The following NEURL1B variants were observed in gnomAD, a reference collection of about 807,000 sequenced individuals.
NEURL1B encodes the protein neuralized E3 ubiquitin protein ligase 1B, also known as E3 ubiquitin-protein ligase NEURL1B.
Under a neutral mutation model 37.4 loss-of-function variants are expected in NEURL1B, and 13 were observed. The observed-to-expected ratio is 0.35, with a 90% CI of 0.23 to 0.55. NEURL1B has a LOEUF of 0.55. NEURL1B is among the 20% of genes least tolerant of loss of function. The pLI, the probability that NEURL1B is intolerant of heterozygous loss-of-function variation, is 0.89. For missense variants in NEURL1B, 790 were observed against 879.2 expected, an observed-to-expected ratio of 0.90 and a Z score of 1.28; for synonymous variants, 432 against 426.6, an observed-to-expected ratio of 1.01 and a Z score of -0.16.
At chr5:172,652,745 C>T (rs1757691322) in intron 1 of NEURL1B, among the ~76,000 whole-genome samples, 1 of 152,194 alleles carries the variant, frequency 6.6e-6, no homozygotes, top group African/African-American at 2.4e-5. Flanking sequence ...TTTGACTTGG[C>T]AAGTCCCCAC....
intron 2 of NEURL1B, among the ~76,000 whole-genome samples, chr5:172,682,082 G>A (rs1421829722): frequency 6.6e-6 from 1 of 152,186 alleles, no homozygotes; most frequent in African/African-American, 2.4e-5. Flanking sequence ...TGACCAGACT[G>A]ACACAGACCC....
intron 1 of NEURL1B, among the ~76,000 whole-genome samples, chr5:172,651,152 C>A (rs1036938564): frequency 6.6e-6 from 1 of 152,232 alleles, no homozygotes; most frequent in African/African-American, 2.4e-5. Context: ...TCATATCTAA[C>A]AACTCCCCTT....
intron 2 of NEURL1B, among the ~76,000 whole-genome samples, chr5:172,674,880 G>A (rs1259487678): frequency 6.6e-6 from 1 of 152,096 alleles, no homozygotes; most frequent in African/African-American, 2.4e-5. Context: ...ATAATCCCAT[G>A]AATGTATCTT....
chr5:172,666,197 AC>A (rs753116126), intron 1 of NEURL1B, among the ~76,000 whole-genome samples: 13 of 150,092 alleles, frequency 8.7e-5, no homozygotes, highest in African/African-American at 3.0e-4. Flanking sequence ...CACCACCACC[AC>A]CAAAAAAAAA....
At chr5:172,666,511 G>A (rs905969844) in intron 1 of NEURL1B, among the ~76,000 whole-genome samples, 5 of 152,178 alleles carry the variant, frequency 3.3e-5, no homozygotes, top group African/African-American at 7.2e-5. Flanking sequence ...AGAAGAGGGC[G>A]CCCCTAGCCA....
chr5:172,651,346 T>A (rs954096193), intron 1 of NEURL1B, among the ~76,000 whole-genome samples: 27 of 152,212 alleles, frequency 1.8e-4, no homozygotes, highest in African/African-American at 6.3e-4. Flanking sequence ...ACATAGCACC[T>A]GACAAGAATA....
chr5:172,672,785 G>T (rs1758155771), intron 2 of NEURL1B, among the ~76,000 whole-genome samples: 2 of 151,920 alleles, frequency 1.3e-5, no homozygotes, highest in Non-Finnish European at 2.9e-5. Flanking sequence ...CATATGATCT[G>T]CAGGAAACAC....
At chr5:172,671,102 G>A (rs1758123084) in intron 2 of NEURL1B, among the ~76,000 whole-genome samples, 3 of 152,156 alleles carry the variant, frequency 2.0e-5, no homozygotes, top group Admixed American at 2.0e-4. Flanking sequence ...ACAACTGAGT[G>A]GCATATAGTT....
rs755323898 is a variant in NEURL1B at position 172,687,372 on chromosome 5, C to T, written c.*447C>T. 11 of 164,020 alleles carry T rather than the reference C, an allele frequency of 6.7e-5. No individual in the cohort carries two copies. The highest frequency in any genetic ancestry group is 9.6e-5 in the African/African-American group (4 of 41,860). 10.2% of individuals were successfully genotyped at this position (164,020 alleles called of 1,614,324 possible). On this transcript the variant is annotated 3_prime_UTR_variant, in exon 5 of 5. Transcript: ENST00000369800. ...CGGCTCCGGGAGGAGACGTGCAATC[C>T]GGAGCCCCGACATTGGCATGACTAG... is the stretch of plus-strand genomic sequence containing the variant.
chr5:172,678,734 T>C (rs541450055), intron 2 of NEURL1B, among the ~76,000 whole-genome samples: 48 of 152,274 alleles, frequency 3.2e-4, no homozygotes, highest in Non-Finnish European at 6.6e-4. Context: ...GGATCCATTC[T>C]GTCAGTGAGT....
In NEURL1B at chr5:172,683,717, G is replaced by A. The variant is rs1727890093; in HGVS notation, c.876G>A (p.Leu292=). ...FHATRGPDVS[L]SADRKVACAP... is the part of the protein sequence containing the mutation. ...CAACACGCGGGCCCGACGTGAGCCT[G>A]TCGGCCGACCGCAAAGTGGCCTGCG... Residue 292 remains leucine (L), a synonymous_variant, in exon 3 of 5, where the codon CTG becomes CTA. Transcript: ENST00000369800. This position sits in a 1 kb window ranked among gnomAD's most constrained non-coding sequence, Gnocchi z 5.6. 2 of 1,357,328 alleles carry A rather than the reference G, an allele frequency of 1.5e-6. No homozygotes were observed. The highest frequency in any genetic ancestry group is 1.5e-5 in the South Asian group (1 of 68,962). 84.1% of individuals were successfully genotyped at this position (1,357,328 alleles called of 1,614,324 possible).
intron 2 of NEURL1B, among the ~76,000 whole-genome samples, chr5:172,674,152 T>A (rs1231397869): frequency 6.9e-6 from 1 of 143,914 alleles, no homozygotes; most frequent in Non-Finnish European, 1.5e-5. Context: ...AAAAAAAAAA[T>A]TAAATTAAAT....
chr5:172,648,194 G>A (rs1367875753), intron 1 of NEURL1B, among the ~76,000 whole-genome samples: 1 of 152,218 alleles, frequency 6.6e-6, no homozygotes, highest in Admixed American at 6.5e-5. Flanking sequence ...ACCTCTCTAA[G>A]CCTTGGTTTC....
Position 172,647,184 on chromosome 5 carries a change from T to G in NEURL1B, c.31+5747T>G, listed in dbSNP as rs1757575498. ...AAAGGGCTTTCTGTACTTATGGTGC[T>G]CTCTGAGGGCTTAAAATAGAAGCCC... is the stretch of plus-strand genomic sequence containing the variant. On this transcript the variant is annotated intron_variant, in intron 1 of 4. Coordinates refer to ENST00000369800, the MANE Select transcript of NEURL1B (RefSeq NM_001142651.3). This position sits in a 1 kb window ranked among gnomAD's most constrained non-coding sequence, Gnocchi z 4.2. Among the ~76,000 whole-genome samples, 1 of 152,118 alleles carries G rather than the reference T, an allele frequency of 6.6e-6. No homozygotes were observed. The highest frequency in any genetic ancestry group is 6.5e-5 in the Admixed American group (1 of 15,284).
rs1401482204 is a variant in NEURL1B at position 172,670,074 on chromosome 5, G to T, written c.321G>T (p.Ser107=). The T allele has an allele frequency of 1.3e-6, 2 of 1,523,826 alleles. No homozygotes were observed. The highest frequency in any genetic ancestry group is 2.0e-5 in the Admixed American group (1 of 49,014). 94.4% of individuals were successfully genotyped at this position (1,523,826 alleles called of 1,614,324 possible). Reference sequence around the variant, plus strand: ...TCGGCTTCACCGCGCACGATCCGTCGCTCATGAGCGCCCAGGACATCCCCA... The same window carrying T: ...TCGGCTTCACCGCGCACGATCCGTCTCTCATGAGCGCCCAGGACATCCCCA... ...LRFGFTAHDP[S]LMSAQDIPKY... The change falls in exon 2 of 5, where the codon TCG becomes TCT. Residue 107 remains serine, a synonymous_variant. Coordinates refer to ENST00000369800, the MANE Select transcript of NEURL1B (RefSeq NM_001142651.3).
Position 172,683,979 on chromosome 5 carries a change from G to C in NEURL1B, c.1138G>C (p.Gly380Arg). 1 of 1,317,578 alleles carries C rather than the reference G, an allele frequency of 7.6e-7. No individual in the cohort carries two copies. The highest frequency in any genetic ancestry group is 9.7e-7 in the Non-Finnish European group (1 of 1,030,976). The allele number at this position is 1,317,578 out of a possible 1,614,324, so 81.6% of individuals were successfully genotyped here. A position where few individuals can be genotyped will look rare whatever the true frequency, so the allele number is the denominator to read the frequency against. ...VVARAGPVPS[G>R]GDALSFTLRP... ...GGCGCGCGCCGGGCCCGTGCCGAGC[G>C]GCGGCGACGCGCTCAGCTTCACGCT... The change falls in exon 3 of 5, where the codon GGC becomes CGC. Residue 380 changes from glycine (G) to arginine (R), a missense_variant. Around this residue, in one of 3 missense-constraint regions of NEURL1B, gnomAD observed 460 missense variants for 407.4 expected, o/e 1.13. Transcript: ENST00000369800. This position sits in a 1 kb window ranked among gnomAD's most constrained non-coding sequence, Gnocchi z 5.6.
intron 1 of NEURL1B, among the ~76,000 whole-genome samples, chr5:172,643,648 G>C (rs1400226677): frequency 2.0e-5 from 3 of 152,150 alleles, no homozygotes; most frequent in African/African-American, 7.2e-5. Flanking sequence ...ACTGGTGCCT[G>C]GCAAGGGCTC....
chr5:172,683,748 C>T lies in NEURL1B; in HGVS notation c.907C>T (p.Arg303Trp), dbSNP rs1208176172. The change falls in exon 3 of 5, where the codon CGG becomes TGG. Residue 303 changes from arginine to tryptophan, a missense_variant. Arg to Trp is a moderately radical substitution (Grantham distance 101). Transcript: ENST00000369800. This position sits in a 1 kb window ranked among gnomAD's most constrained non-coding sequence, Gnocchi z 5.6. The stretch of plus-strand genomic sequence containing the variant: ...CGACCGCAAAGTGGCCTGCGCACCG[C>T]GGCCCGACGGCGGCCGCACGCTGGT... ...SADRKVACAP[R>W]PDGGRTLVFS... 1.5e-6 allele frequency: 2 copies of T among 1,316,852 alleles called. No homozygotes were observed. The highest frequency in any genetic ancestry group is 3.4e-5 in the South Asian group (2 of 59,004). 81.6% of individuals were successfully genotyped at this position (1,316,852 alleles called of 1,614,324 possible).
chr5:172,665,635 G>T lies in NEURL1B; in HGVS notation c.32-4150G>T, dbSNP rs1757994956. 6.6e-6 allele frequency among the ~76,000 whole-genome samples: 1 copy of T among 152,222 alleles called. No homozygotes were observed. The highest frequency in any genetic ancestry group is 1.9e-4 in the East Asian group (1 of 5,166). On this transcript the variant is annotated intron_variant, in intron 1 of 4. Coordinates refer to ENST00000369800, the MANE Select transcript of NEURL1B (RefSeq NM_001142651.3). This position sits in a 1 kb window ranked among gnomAD's most constrained non-coding sequence, Gnocchi z 4.1. Reference sequence around the variant, plus strand: ...GCACCCTCGCCCTCACCTCTACAAGGCAGTGACTGCCCAACCTGGCACACC... The same window carrying T: ...GCACCCTCGCCCTCACCTCTACAAGTCAGTGACTGCCCAACCTGGCACACC...
Sources: allele counts gnomAD v4.1 joint callset (sites outside exome capture counted in the v4.1 genomes callset), GRCh38; gene constraint gnomAD v4.1.1; regional missense constraint gnomAD v4.1.1; non-coding constraint Gnocchi (gnomAD v3.1); transcripts MANE v1.5; gene names NCBI Gene and HGNC (gene_info 2026-07-23, HGNC 2026-07-21).